The following MRPL1 variants were observed in gnomAD, a reference collection of about 807,000 sequenced individuals.
MRPL1 encodes the protein mitochondrial ribosomal protein L1.
A neutral mutation model predicts 38.0 loss-of-function variants in MRPL1; 28 were observed. The observed-to-expected ratio is 0.74, with a 90% CI of 0.55 to 1.01. MRPL1 has a LOEUF of 1.01. Ranked by LOEUF, MRPL1 falls within the 50% of genes least tolerant of loss-of-function variation. The probability of loss-of-function intolerance (pLI) is 0.00; values close to 1 mark genes in which losing one functional copy is unlikely to be tolerated. For missense variants in MRPL1, 358 were observed against 389.8 expected, an observed-to-expected ratio of 0.92 and a Z score of 0.69; for synonymous variants, 123 against 126.7, an observed-to-expected ratio of 0.97 and a Z score of 0.20.
chr4:77,915,154 T>A (rs1243541850), intron 7 of MRPL1, among the ~76,000 whole-genome samples: 1 of 152,196 alleles, frequency 6.6e-6, no homozygotes, highest in Non-Finnish European at 1.5e-5. Flanking sequence ...TGTTCTGTGT[T>A]ACGATTCTGC....
At chr4:77,871,718 A>G (rs1735285008) in intron 1 of MRPL1, 26 bp from the exon 2 acceptor site, 2 of 1,065,700 alleles carry the variant, frequency 1.9e-6, no homozygotes, top group East Asian at 2.6e-5. Context: ...TTTAATGTTA[A>G]TATTTTACAT....
At chr4:77,878,613 C>T (rs1038329121) in intron 2 of MRPL1, among the ~76,000 whole-genome samples, 5 of 152,104 alleles carry the variant, frequency 3.3e-5, no homozygotes, top group Non-Finnish European at 7.3e-5. Flanking sequence ...GGTGCAGTGG[C>T]TCATGTCTGT....
chr4:77,869,219 G>C (rs896567361), intron 1 of MRPL1, among the ~76,000 whole-genome samples: 1 of 152,208 alleles, frequency 6.6e-6, no homozygotes, highest in East Asian at 1.9e-4. Context: ...AAAGAGATAA[G>C]AAAGGAGAGG....
intron 7 of MRPL1, among the ~76,000 whole-genome samples, chr4:77,930,210 T>C (rs1736813431): frequency 6.6e-6 from 1 of 152,044 alleles, no homozygotes; most frequent in Non-Finnish European, 1.5e-5. Context: ...GAAGTGGAAA[T>C]CATGTCTCCT....
intron 7 of MRPL1, among the ~76,000 whole-genome samples, chr4:77,920,718 G>T (rs7439347): frequency 0.22 from 33,702 of 151,964 alleles, 4,539 homozygotes; most frequent in African/African-American, 0.37. Flanking sequence ...GAAGAAGGGT[G>T]ATTTTGCTTT....
chr4:77,929,707 A>G (rs951882264), intron 7 of MRPL1, among the ~76,000 whole-genome samples: 5 of 152,078 alleles, frequency 3.3e-5, no homozygotes, highest in African/African-American at 1.2e-4. Context: ...CTGGCAAACA[A>G]TGGCTCCGTG....
At chr4:77,885,564 A>G (rs1488127773) in intron 4 of MRPL1, among the ~76,000 whole-genome samples, 1 of 152,056 alleles carries the variant, frequency 6.6e-6, no homozygotes, top group Non-Finnish European at 1.5e-5. Context: ...ACAGGTTTTC[A>G]CCATGTTGGC....
intron 8 of MRPL1, among the ~76,000 whole-genome samples, chr4:77,950,842 A>G (rs910918949): frequency 2.6e-5 from 4 of 152,136 alleles, no homozygotes; most frequent in Non-Finnish European, 4.4e-5. Flanking sequence ...GCCCCTTAGC[A>G]TGTTTAAATG....
At chr4:77,931,528 C>T (rs6533344) in intron 7 of MRPL1, among the ~76,000 whole-genome samples, 116,926 of 152,224 alleles carry the variant, frequency 0.77, 45,969 homozygotes, top group African/African-American at 0.94. Flanking sequence ...ATTCTACTGA[C>T]GTTAGCAAGG....
chr4:77,888,511 T>A (rs911489474), intron 5 of MRPL1, among the ~76,000 whole-genome samples: 2 of 151,676 alleles, frequency 1.3e-5, no homozygotes, highest in Non-Finnish European at 1.5e-5. Context: ...TCCAAAAAAA[T>A]AAATAAATAA....
chr4:77,884,322 G>A (rs1373557183), intron 3 of MRPL1, among the ~76,000 whole-genome samples: 1 of 151,760 alleles, frequency 6.6e-6, no homozygotes, highest in African/African-American at 2.4e-5. Flanking sequence ...CTCAAAATAA[G>A]GTTTTTCTAA....
intron 6 of MRPL1, among the ~76,000 whole-genome samples, chr4:77,899,642 A>G (rs1735994827): frequency 1.3e-5 from 2 of 152,066 alleles, no homozygotes; most frequent in Non-Finnish European, 2.9e-5. Flanking sequence ...CTCTTTTCTA[A>G]CTATTTCTTC....
At chr4:77,908,242 ATTT>A in intron 6 of MRPL1, 9 of 141,826 alleles carry the variant, frequency 6.3e-5, no homozygotes, top group South Asian at 3.8e-4. Flanking sequence ...TACTGTTATT[ATTT>A]TTTTTTTTTG....
At chr4:77,904,409 C>G (rs1033262902) in intron 6 of MRPL1, among the ~76,000 whole-genome samples, 1 of 151,862 alleles carries the variant, frequency 6.6e-6, no homozygotes, top group African/African-American at 2.4e-5. Flanking sequence ...CAAAAATTAG[C>G]TCAATTTGGT....
chr4:77,883,808 G>A (rs1367112854), intron 3 of MRPL1, among the ~76,000 whole-genome samples: 3 of 151,960 alleles, frequency 2.0e-5, no homozygotes, highest in Admixed American at 6.6e-5. Flanking sequence ...GAACTCTGGG[G>A]CTCAAGCACT....
rs531270626 is a variant in MRPL1 at position 77,949,071 on chromosome 4, G to A, written c.778-726G>A. ...CAGGCGTGAGCCACCGTGCCCAGCC[G>A]TGAACTTTTAAAAATTGATTTATTT... is the stretch of plus-strand genomic sequence containing the variant. On this transcript the variant is annotated intron_variant, in intron 7 of 8. Transcript: ENST00000315567. Among the ~76,000 whole-genome samples the A allele has an allele frequency of 8.6e-4, 131 of 152,162 alleles. 1 individual carries two copies. Among genetic ancestry groups the A allele is most frequent in the African/African-American group, 3.1e-3 (128 of 41,522 alleles).
intron 7 of MRPL1, among the ~76,000 whole-genome samples, chr4:77,938,892 T>C (rs1207663403): frequency 6.6e-6 from 1 of 152,232 alleles, no homozygotes; most frequent in Non-Finnish European, 1.5e-5. Flanking sequence ...TACAATGAGC[T>C]ACCTCATGGT....
intron 6 of MRPL1, chr4:77,907,113 A>G: frequency 1.0e-6 from 1 of 985,352 alleles, no homozygotes; most frequent in Non-Finnish European, 1.2e-6. Context: ...TTGCTTGAGC[A>G]TGGTGGGAGT....
At chr4:77,952,351 G>T (rs1672952610) in intron 8 of MRPL1, 138 bp from the exon 9 acceptor site, 3 of 679,750 alleles carry the variant, frequency 4.4e-6, no homozygotes, top group Non-Finnish European at 7.8e-6. Flanking sequence ...GGTACAATTG[G>T]TTTCTTTATA....
Sources: allele counts gnomAD v4.1 joint callset (sites outside exome capture counted in the v4.1 genomes callset), GRCh38; gene constraint gnomAD v4.1.1; transcripts MANE v1.5; gene names NCBI Gene and HGNC (gene_info 2026-07-23, HGNC 2026-07-21).